Variants in ATRNL1 observed in about 807,000 individuals in gnomAD.
The protein encoded by ATRNL1 is attractin like 1.
ATRNL1 carries 95 observed loss-of-function variants against 182.7 expected under a neutral mutation model. The observed-to-expected ratio is 0.52, with a 90% CI of 0.44 to 0.62. The LOEUF is 0.62. ATRNL1 is among the 20% of genes least tolerant of loss of function. The pLI, the probability that ATRNL1 is intolerant of heterozygous loss-of-function variation, is 0.00. For missense variants in ATRNL1, 1,471 were observed against 1,679.5 expected (o/e 0.88, Z 2.17); for synonymous variants, 576 against 568.3 (o/e 1.01, Z -0.19).
chr10:115,626,913 T>G (rs975980684), intron 26 of ATRNL1, among the ~76,000 whole-genome samples: 1 of 152,200 alleles, frequency 6.6e-6, no homozygotes, highest in Non-Finnish European at 1.5e-5. Flanking sequence ...TCAGCACATA[T>G]GTATTTCTAT....
At chr10:115,381,255 TTTTG>T (rs1180168501) in intron 19 of ATRNL1, among the ~76,000 whole-genome samples, 1 of 151,832 alleles carries the variant, frequency 6.6e-6, no homozygotes, top group Non-Finnish European at 1.5e-5. Flanking sequence ...TATCTTTGTT[TTTTG>T]TTTATTTTTA....
intron 24 of ATRNL1, among the ~76,000 whole-genome samples, chr10:115,473,582 G>C (rs1171469540): frequency 6.6e-6 from 1 of 151,160 alleles, no homozygotes; most frequent in Non-Finnish European, 1.5e-5. Context: ...GGAAATGCTT[G>C]CCTTACAGCA....
intron 28 of ATRNL1, among the ~76,000 whole-genome samples, chr10:115,861,873 G>A (rs190792410): frequency 6.6e-6 from 1 of 152,156 alleles, no homozygotes; most frequent in Admixed American, 6.5e-5. Context: ...AGAGGCCAAG[G>A]TATGAGGATC....
chr10:115,300,347 G>T, intron 16 of ATRNL1, 100 bp downstream of exon 16: 1 of 928,396 alleles, frequency 1.1e-6, no homozygotes. Context: ...TGATATTTAT[G>T]TAAATTTTAT....
chr10:115,712,959 A>AT (rs1947108945), intron 26 of ATRNL1, among the ~76,000 whole-genome samples: 1 of 152,146 alleles, frequency 6.6e-6, no homozygotes, highest in Non-Finnish European at 1.5e-5. Flanking sequence ...CCAAGACAGT[A>AT]TTTTTAAAAC....
rs1163605465 is a variant in ATRNL1 at position 115,201,664 on chromosome 10, T to C, written c.1349-14033T>C. On this transcript the variant is annotated intron_variant, in intron 8 of 28. Transcript: ENST00000355044. ...TAGTATAGTTTGAAGTCAGGTAGAGTGATGCCTCCAGCTTTGTTCTTTTGG... is the reference window on the plus strand; with the variant it reads ...TAGTATAGTTTGAAGTCAGGTAGAGCGATGCCTCCAGCTTTGTTCTTTTGG... Among the ~76,000 whole-genome samples, 1,265 of 152,228 alleles carry C rather than the reference T, an allele frequency of 8.3e-3. 13 individuals are homozygous for C. The highest frequency in any genetic ancestry group is 0.028 in the African/African-American group (1,155 of 41,518).
chr10:115,365,872 T>G (rs1227487619), intron 19 of ATRNL1, among the ~76,000 whole-genome samples: 2 of 152,194 alleles, frequency 1.3e-5, no homozygotes. Context: ...TTGATTGCAC[T>G]GTGGTCTGAG....
intron 26 of ATRNL1, among the ~76,000 whole-genome samples, chr10:115,723,642 G>A (rs1265075152): frequency 3.9e-5 from 6 of 152,058 alleles, no homozygotes; most frequent in Middle Eastern, 3.4e-3. Flanking sequence ...TCCACCTCCC[G>A]GGTTCAAGTG....
At chr10:115,482,847 G>C (rs992091001) in intron 24 of ATRNL1, among the ~76,000 whole-genome samples, 18 of 151,064 alleles carry the variant, frequency 1.2e-4, no homozygotes, top group Non-Finnish European at 4.5e-5. Context: ...TAGAGGTGAA[G>C]GTCTTAAATA....
At chr10:115,903,409 C>T (rs1952411621) in intron 28 of ATRNL1, among the ~76,000 whole-genome samples, 1 of 152,092 alleles carries the variant, frequency 6.6e-6, no homozygotes, top group Non-Finnish European at 1.5e-5. Context: ...CCAGTCTCTC[C>T]CTCCCCCTGT....
At position 115,587,121 on chromosome 10, in the gene ATRNL1, C is replaced by A. The variant is rs1320047253; in HGVS notation, c.3795+37585C>A. ...AGGCAGTCTGCCCGTTCTCAGATCT[C>A]CAGCTGCGTACTGGGAGAACCACTG... On this transcript the variant is annotated intron_variant, in intron 26 of 28. Transcript: ENST00000355044. 1.0e-4 allele frequency among the ~76,000 whole-genome samples: 15 copies of A among 148,988 alleles called. No individual in the cohort carries two copies. In the South Asian group the frequency reaches 3.1e-3, roughly 31 times the overall value.
intron 1 of ATRNL1, among the ~76,000 whole-genome samples, chr10:115,101,814 T>G (rs1843780217): frequency 6.6e-6 from 1 of 152,226 alleles, no homozygotes; most frequent in Non-Finnish European, 1.5e-5. Flanking sequence ...CGACACCCTC[T>G]AGGCCTGAAG....
intron 3 of ATRNL1, among the ~76,000 whole-genome samples, chr10:115,122,982 G>T (rs902302757): frequency 3.3e-5 from 5 of 151,974 alleles, no homozygotes; most frequent in African/African-American, 4.8e-5. Flanking sequence ...CTATTTTTAT[G>T]ATACCGTTGA....
At chr10:115,252,019 TTTGTTGTTG>T (rs371207632) in intron 10 of ATRNL1, among the ~76,000 whole-genome samples, 1 of 151,640 alleles carries the variant, frequency 6.6e-6, no homozygotes, top group Non-Finnish European at 1.5e-5. Context: ...GCTGTCTAGG[TTTGTTGTTG>T]TTGTTGTTGT....
chr10:115,774,963 A>G (rs1412375350), intron 27 of ATRNL1, among the ~76,000 whole-genome samples: 1 of 152,126 alleles, frequency 6.6e-6, no homozygotes, highest in Admixed American at 6.5e-5. Context: ...GACTATTGTG[A>G]CGTTGACTAA....
At chr10:115,597,991 A>G (rs1245466110) in intron 26 of ATRNL1, 1 of 161,340 alleles carries the variant, frequency 6.2e-6, no homozygotes, top group Non-Finnish European at 1.4e-5. Context: ...AGCTTCACAT[A>G]CAAATCCAGG....
intron 10 of ATRNL1, among the ~76,000 whole-genome samples, chr10:115,254,903 C>A (rs1851049856): frequency 6.6e-6 from 1 of 152,158 alleles, no homozygotes; most frequent in Non-Finnish European, 1.5e-5. Flanking sequence ...ATCCTTTCCC[C>A]TTTTCTTGTT....
intron 1 of ATRNL1, among the ~76,000 whole-genome samples, chr10:115,094,952 G>A (rs2084974501): frequency 6.6e-6 from 1 of 152,184 alleles, no homozygotes; most frequent in South Asian, 2.1e-4. Flanking sequence ...TTTTGTGCGG[G>A]AACATCGCTT....
chr10:115,431,168 A>G (rs1181859106), intron 21 of ATRNL1, among the ~76,000 whole-genome samples: 3 of 152,166 alleles, frequency 2.0e-5, no homozygotes, highest in African/African-American at 7.2e-5. Context: ...ACACTTTGGG[A>G]GGCCGAGGCG....
Sources: gnomAD v4.1 joint callset for allele counts (sites outside exome capture counted in the v4.1 genomes callset) on GRCh38, gnomAD v4.1.1 for gene constraint, MANE v1.5 for transcripts, NCBI Gene and HGNC (gene_info 2026-07-23, HGNC 2026-07-21) for gene names.